Variants in EPHA6 observed in about 807,000 individuals in gnomAD.
The protein encoded by EPHA6 is EPH receptor A6.
Under a neutral mutation model 112.0 loss-of-function variants are expected in EPHA6, and 50 were observed. That is an observed-to-expected ratio of 0.45 (90% CI 0.36 to 0.56). The LOEUF is 0.56. Ranked by LOEUF, EPHA6 falls within the 20% of genes least tolerant of loss-of-function variation. EPHA6 has a pLI of 0.00. For missense variants in EPHA6, 1,280 were observed against 1,417.4 expected (o/e 0.90, Z 1.56); for synonymous variants, 529 against 490.7 (o/e 1.08, Z -1.03).
intron 2 of EPHA6, among the ~76,000 whole-genome samples, chr3:96,895,399 A>C (rs2107553576): frequency 6.6e-6 from 1 of 152,344 alleles, no homozygotes; most frequent in East Asian, 1.9e-4. Flanking sequence ...TTAAAAAATT[A>C]AAAGTCTGTA....
chr3:97,514,010 G>A (rs1212259462), intron 10 of EPHA6, among the ~76,000 whole-genome samples: 2 of 152,108 alleles, frequency 1.3e-5, no homozygotes, highest in East Asian at 3.9e-4. Context: ...AGCCTAAATG[G>A]AAACTAATAT....
At chr3:97,666,600 A>G (rs2030140127) in intron 14 of EPHA6, among the ~76,000 whole-genome samples, 1 of 152,060 alleles carries the variant, frequency 6.6e-6, no homozygotes, top group African/African-American at 2.4e-5. Flanking sequence ...TCTTTGTCCA[A>G]ATTTTCCCAT....
At chr3:96,973,622 G>A (rs1418744054) in intron 2 of EPHA6, among the ~76,000 whole-genome samples, 1 of 151,410 alleles carries the variant, frequency 6.6e-6, no homozygotes, top group Non-Finnish European at 1.5e-5. Flanking sequence ...TCAGGAGTTC[G>A]AGACCAGTTT....
intron 7 of EPHA6, among the ~76,000 whole-genome samples, chr3:97,463,757 T>C (rs1019884718): frequency 6.6e-6 from 1 of 152,180 alleles, no homozygotes; most frequent in Non-Finnish European, 1.5e-5. Flanking sequence ...GGTTACTTAA[T>C]TCATTCCATG....
intron 3 of EPHA6, among the ~76,000 whole-genome samples, chr3:97,095,519 G>A (rs1253347103): frequency 6.6e-6 from 1 of 151,824 alleles, no homozygotes; most frequent in African/African-American, 2.4e-5. Context: ...AAAATTATGT[G>A]GCACAGGCTG....
chr3:97,084,064 T>C (rs1000943150), intron 3 of EPHA6, among the ~76,000 whole-genome samples: 4 of 65,512 alleles, frequency 6.1e-5, no homozygotes, highest in Non-Finnish European at 8.6e-5. Context: ...ATTTATTTCT[T>C]AAAGTGTGTG....
intron 14 of EPHA6, among the ~76,000 whole-genome samples, chr3:97,638,746 T>C (rs2093973784): frequency 6.6e-6 from 1 of 152,172 alleles, no homozygotes; most frequent in Admixed American, 6.5e-5. Flanking sequence ...TTTTGAGAAA[T>C]TTGGTCTCAA....
rs2035824502 is a variant in EPHA6 at position 97,748,950 on chromosome 3, A to G, written c.*249A>G. ...GATTATTGCTACGCAATGGTAAATA[A>G]CTCAGCATGGATGTGTAATTTTGTA... On this transcript the variant is annotated 3_prime_UTR_variant, in exon 18 of 18. Coordinates refer to ENST00000389672, the MANE Select transcript of EPHA6 (RefSeq NM_001080448.3). 2 of 468,212 alleles carry G rather than the reference A, an allele frequency of 4.3e-6. No homozygotes were observed. Among genetic ancestry groups the G allele is most frequent in the African/African-American group, 1.9e-5 (1 of 51,976 alleles). The allele number at this position is 468,212 out of a possible 1,614,324, so 29.0% of individuals were successfully genotyped here. A position where few individuals can be genotyped will look rare whatever the true frequency, so the allele number is the denominator to read the frequency against.
chr3:97,006,537 T>TA (rs2043887009), intron 3 of EPHA6, among the ~76,000 whole-genome samples: 3 of 152,030 alleles, frequency 2.0e-5, no homozygotes, highest in East Asian at 3.9e-4. Flanking sequence ...ATTTTTTTTT[T>TA]AATTTTTTCA....
intron 14 of EPHA6, among the ~76,000 whole-genome samples, chr3:97,644,698 T>C (rs2107587759): frequency 6.7e-6 from 1 of 149,824 alleles, no homozygotes; most frequent in East Asian, 2.0e-4. Flanking sequence ...AAGAAATGGA[T>C]AAATTCCTTG....
intron 3 of EPHA6, among the ~76,000 whole-genome samples, chr3:97,101,895 T>G (rs1191632372): frequency 6.6e-6 from 1 of 152,090 alleles, no homozygotes; most frequent in Non-Finnish European, 1.5e-5. Context: ...CTATTTTGAC[T>G]ATTCATTGAC....
chr3:97,647,433 T>C (rs575273130), intron 14 of EPHA6, among the ~76,000 whole-genome samples: 1 of 152,200 alleles, frequency 6.6e-6, no homozygotes, highest in East Asian at 1.9e-4. Flanking sequence ...TCAAAGAAAC[T>C]TTAAGATCTG....
chr3:97,589,487 G>A (rs879275365), intron 11 of EPHA6, among the ~76,000 whole-genome samples: 10 of 152,010 alleles, frequency 6.6e-5, no homozygotes, highest in South Asian at 2.1e-4. Flanking sequence ...CTTTACTAAC[G>A]TACAGTATTT....
chr3:97,738,552 G>A (rs1329835196), intron 16 of EPHA6, among the ~76,000 whole-genome samples: 1 of 152,090 alleles, frequency 6.6e-6, no homozygotes, highest in African/African-American at 2.4e-5. Context: ...TGTAAGATGA[G>A]AAAGTGTCAA....
At chr3:96,975,750 C>T (rs1559636614) in intron 2 of EPHA6, among the ~76,000 whole-genome samples, 1 of 152,100 alleles carries the variant, frequency 6.6e-6, no homozygotes, top group African/African-American at 2.4e-5. Context: ...CATCTGTCCA[C>T]TCCTTGATCC....
intron 10 of EPHA6, among the ~76,000 whole-genome samples, chr3:97,517,538 A>G (rs532406220): frequency 6.6e-6 from 1 of 152,098 alleles, no homozygotes; most frequent in Non-Finnish European, 1.5e-5. Flanking sequence ...CATATTGTAG[A>G]ATAACTAAAT....
chr3:96,840,087 C>T (rs2034647454), intron 1 of EPHA6, among the ~76,000 whole-genome samples: 2 of 152,020 alleles, frequency 1.3e-5, no homozygotes, highest in Non-Finnish European at 1.5e-5. Flanking sequence ...CTCCAGTTCA[C>T]AGGTAATGAG....
chr3:97,388,097 C>T (rs2086178570), intron 5 of EPHA6, among the ~76,000 whole-genome samples: 1 of 152,188 alleles, frequency 6.6e-6, no homozygotes. Context: ...CCTCCAATAT[C>T]AAGGATTAGA....
At chr3:97,277,778 C>G (rs1161017943) in intron 5 of EPHA6, among the ~76,000 whole-genome samples, 1 of 152,116 alleles carries the variant, frequency 6.6e-6, no homozygotes, top group African/African-American at 2.4e-5. Flanking sequence ...GCTTATAGAA[C>G]TGGAATTTGC....
Sources: allele counts gnomAD v4.1 joint callset (sites outside exome capture counted in the v4.1 genomes callset), GRCh38; gene constraint gnomAD v4.1.1; transcripts MANE v1.5; gene names NCBI Gene and HGNC (gene_info 2026-07-23, HGNC 2026-07-21).